The following CPNE5 variants were observed in gnomAD, a reference collection of about 807,000 sequenced individuals.
CPNE5 encodes the protein copine-5.
A neutral mutation model predicts 81.1 loss-of-function variants in CPNE5; 42 were observed. The ratio of observed to expected loss-of-function variants is 0.52; its 90% CI spans 0.40 to 0.67. The LOEUF is 0.67. CPNE5 is among the 30% of genes least tolerant of loss of function. The pLI is 0.00. For synonymous variants in CPNE5, 313 were observed against 321.5 expected, an observed-to-expected ratio of 0.97 and a Z score of 0.28; for missense variants, 612 against 815.5, an observed-to-expected ratio of 0.75 and a Z score of 3.04.
rs979035008 is a variant in CPNE5, at chr6:36,748,098, C to T, written c.1018+123G>A. 8 of 885,378 alleles carry T rather than the reference C, an allele frequency of 9.0e-6. No homozygotes were observed. The Admixed American group carries it at 1.4e-4, about 15-fold the overall frequency. 54.8% of individuals were successfully genotyped at this position (885,378 alleles called of 1,614,324 possible). On this transcript the variant is annotated intron_variant, in intron 15 of 20. Coordinates refer to ENST00000244751, the MANE Select transcript of CPNE5 (RefSeq NM_020939.2). ...ATCTTTGGTCCTCCAGACCTAGGTA[C>T]ATCCTCTTTGGTGAGGAAGAGGCCA...
chr6:36,762,339 A>G (rs1377949561), intron 12 of CPNE5, among the ~76,000 whole-genome samples: 1 of 149,552 alleles, frequency 6.7e-6, no homozygotes, highest in Admixed American at 6.6e-5. Context: ...CACACACGCA[A>G]ATACATGCTC....
intron 3 of CPNE5, 45 bp downstream of exon 3, chr6:36,822,069 C>G: frequency 1.3e-6 from 2 of 1,486,568 alleles, no homozygotes; most frequent in South Asian, 1.3e-5. Flanking sequence ...GACAGGCAGA[C>G]AGGAACAGGC....
chr6:36,781,945 A>T (rs1438105518), intron 8 of CPNE5, among the ~76,000 whole-genome samples: 2 of 152,008 alleles, frequency 1.3e-5, no homozygotes, highest in Non-Finnish European at 2.9e-5. Flanking sequence ...AGGAACTCAG[A>T]GCTCAGAGCT....
chr6:36,776,873 G>A (rs1333185840), intron 9 of CPNE5, among the ~76,000 whole-genome samples: 2 of 152,072 alleles, frequency 1.3e-5, no homozygotes, highest in African/African-American at 4.8e-5. Context: ...GTCTCTGCAG[G>A]CCTTCCACTC....
intron 1 of CPNE5, among the ~76,000 whole-genome samples, chr6:36,833,215 C>A (rs1037734664): frequency 6.6e-6 from 1 of 152,182 alleles, no homozygotes; most frequent in Admixed American, 6.5e-5. Flanking sequence ...ACTGTGTAAC[C>A]TTGGCCAAGT....
rs59322472 is a variant in CPNE5 at position 36,746,323 on chromosome 6, G to T, written c.1200+73C>A. On this transcript the variant is annotated intron_variant, in intron 16 of 20. Transcript: ENST00000244751. This position sits in a 1 kb window ranked among gnomAD's most constrained non-coding sequence, Gnocchi z 4.5. Reference sequence around the variant, plus strand: ...TCCCCGGGCTCAGAGGAAGGGAAACGTCCCCCCACCCCCAGCTTGTCACCT... The same window carrying T: ...TCCCCGGGCTCAGAGGAAGGGAAACTTCCCCCCACCCCCAGCTTGTCACCT... 2,732 of 1,417,324 alleles carry T rather than the reference G, an allele frequency of 1.9e-3. 41 individuals are homozygous for T. The African/African-American group carries it at 0.025, about 13-fold the overall frequency. 87.8% of individuals were successfully genotyped at this position (1,417,324 alleles called of 1,614,324 possible). A position where few individuals can be genotyped will look rare whatever the true frequency, so the allele number is the denominator to read the frequency against.
At chr6:36,780,755 A>G (rs1767975283) in intron 8 of CPNE5, among the ~76,000 whole-genome samples, 1 of 152,164 alleles carries the variant, frequency 6.6e-6, no homozygotes, top group Admixed American at 6.5e-5. Context: ...TCACTCACTC[A>G]TTCATTCAAC....
chr6:36,785,495 A>C (rs1380174947), intron 8 of CPNE5, among the ~76,000 whole-genome samples: 1 of 152,198 alleles, frequency 6.6e-6, no homozygotes, highest in Admixed American at 6.6e-5. Context: ...AGGGTCACAT[A>C]GGGAGTAAGC....
intron 7 of CPNE5, chr6:36,792,323 C>T: frequency 6.6e-7 from 1 of 1,525,694 alleles, no homozygotes; most frequent in Non-Finnish European, 8.8e-7. Context: ...CCACCCCCTG[C>T]TCCCCGAGAG....
intron 13 of CPNE5, among the ~76,000 whole-genome samples, chr6:36,753,442 C>T (rs1372202068): frequency 6.6e-6 from 1 of 152,212 alleles, no homozygotes; most frequent in Non-Finnish European, 1.5e-5. Flanking sequence ...TTAGTTTCCT[C>T]TAAGTGGGCA....
rs919542393 is a variant in CPNE5 at position 36,839,397 on chromosome 6, C to A, written c.-20G>T. 2 of 1,533,656 alleles carry A rather than the reference C, an allele frequency of 1.3e-6. No homozygotes were observed. Among genetic ancestry groups the A allele is most frequent in the Non-Finnish European group, 1.8e-6 (2 of 1,135,588 alleles). On this transcript the variant is annotated 5_prime_UTR_variant, in exon 1 of 21. Coordinates refer to ENST00000244751, the MANE Select transcript of CPNE5 (RefSeq NM_020939.2). The surrounding 1 kb of genome is among the most constrained non-coding windows in gnomAD (Gnocchi z 7.3). Reference sequence around the variant, plus strand: ...CTCCATCGCCCACCGCACCCCCCACCCCAAATTAGTCAATCCCTGCGCGAT... The same window carrying A: ...CTCCATCGCCCACCGCACCCCCCACACCAAATTAGTCAATCCCTGCGCGAT...
rs1392166520 is a variant in CPNE5, at chr6:36,839,422, T to A, written c.-45A>T. ...CCCAAATTAGTCAATCCCTGCGCGA[T>A]TCACGCCTCCTCCGGAGCGACTGGA... On this transcript the variant is annotated 5_prime_UTR_variant, in exon 1 of 21. Coordinates refer to ENST00000244751, the MANE Select transcript of CPNE5 (RefSeq NM_020939.2). The surrounding 1 kb of genome is among the most constrained non-coding windows in gnomAD (Gnocchi z 7.3). 6.8e-7 allele frequency: 1 copy of A among 1,474,786 alleles called. No homozygotes were observed. The highest frequency in any genetic ancestry group is 2.1e-5 in the Admixed American group (1 of 48,586). The allele number at this position is 1,474,786 out of a possible 1,614,324, so 91.4% of individuals were successfully genotyped here. A position where few individuals can be genotyped will look rare whatever the true frequency, so the allele number is the denominator to read the frequency against.
chr6:36,742,903 T>C, intron 20 of CPNE5: 1 of 985,416 alleles, frequency 1.0e-6, no homozygotes, highest in Non-Finnish European at 1.2e-6. Context: ...TCCTTTTCTC[T>C]CTGGGGCTAA....
chr6:36,764,832 C>T (rs1017787044), intron 11 of CPNE5, among the ~76,000 whole-genome samples: 3 of 152,156 alleles, frequency 2.0e-5, no homozygotes, highest in Admixed American at 6.5e-5. Context: ...TCTGATGAGC[C>T]GAGGGCTGTA....
chr6:36,744,951 C>A, intron 18 of CPNE5, 97 bp downstream of exon 18: 1 of 829,832 alleles, frequency 1.2e-6, no homozygotes, highest in Non-Finnish European at 2.0e-6. Context: ...CCAAGCATTT[C>A]CCTAAGGTCA....
chr6:36,778,320 A>G (rs1408240469), intron 9 of CPNE5, among the ~76,000 whole-genome samples: 1 of 152,166 alleles, frequency 6.6e-6, no homozygotes, highest in Non-Finnish European at 1.5e-5. Context: ...AGGAGGAAAT[A>G]GGGGCTTCAA....
chr6:36,768,225 C>CTTTTTTTCTTTTTTTCTTTTTTTTTT (rs527797208), intron 10 of CPNE5, among the ~76,000 whole-genome samples: 1 of 60,496 alleles, frequency 1.7e-5, no homozygotes, highest in East Asian at 5.8e-4. Flanking sequence ...ATTCACAGTT[C>CTTTTTTTCTTTTTTTCTTTTTTTTTT]TTTTTTTTTT....
intron 1 of CPNE5, among the ~76,000 whole-genome samples, chr6:36,826,891 G>C (rs1212059256): frequency 6.6e-6 from 1 of 152,154 alleles, no homozygotes; most frequent in African/African-American, 2.4e-5. Context: ...TCTGTAAAGT[G>C]GGGGGTGGGG....
At chr6:36,763,105 TC>T in intron 11 of CPNE5, 113 bp from the exon 12 acceptor site, 1 of 900,572 alleles carries the variant, frequency 1.1e-6, no homozygotes, top group South Asian at 1.4e-5. Flanking sequence ...GGGACTCCAC[TC>T]CAGGGGCACA....
Sources: allele counts gnomAD v4.1 joint callset (sites outside exome capture counted in the v4.1 genomes callset), GRCh38; gene constraint gnomAD v4.1.1; non-coding constraint Gnocchi (gnomAD v3.1); transcripts MANE v1.5; gene names NCBI Gene and HGNC (gene_info 2026-07-23, HGNC 2026-07-21).